The following AOAH variants were observed in gnomAD, a reference collection of about 807,000 sequenced individuals.
AOAH encodes acyloxyacyl hydrolase, also known as acyloxyacyl hydrolase (neutrophil).
AOAH carries 64 observed loss-of-function variants against 92.2 expected under a neutral mutation model. That is an observed-to-expected ratio of 0.69 (90% CI 0.57 to 0.86). The LOEUF is 0.86. Among genes scored for constraint, AOAH ranks in the 40% least tolerant of loss-of-function variants. The probability of loss-of-function intolerance (pLI) is 0.00; values close to 1 mark genes in which losing one functional copy is unlikely to be tolerated. For synonymous variants in AOAH, 263 were observed against 254.5 expected (o/e 1.03, Z -0.32); for missense variants, 656 against 694.6 (o/e 0.94, Z 0.62).
chr7:36,716,623 C>CAATCCATGGCTG (rs368553404), intron 1 of AOAH, among the ~76,000 whole-genome samples: 1 of 148,970 alleles, frequency 6.7e-6, no homozygotes, highest in East Asian at 2.0e-4. Flanking sequence ...CACATACACA[C>CAATCCATGGCTG]CATGGAATAC....
In AOAH at chr7:36,530,520, G is replaced by A; in HGVS notation, c.1426-6C>T. 2 of 1,594,940 alleles carry A rather than the reference G, an allele frequency of 1.3e-6. No homozygotes were observed. Among genetic ancestry groups the A allele is most frequent in the Non-Finnish European group, 1.7e-6 (2 of 1,163,174 alleles). On this transcript the variant is annotated splice_polypyrimidine_tract_variant and splice_region_variant and intron_variant, in intron 18 of 20. Coordinates refer to ENST00000617537, the MANE Select transcript of AOAH (RefSeq NM_001637.4). The stretch of plus-strand genomic sequence containing the variant: ...TTGGAGAGTTGCTCTGCTCTCTGAA[G>A]AGAGAGGAAACAGGGAGAATTTCAT...
At chr7:36,544,601 AC>A (rs1785674445) in intron 15 of AOAH, among the ~76,000 whole-genome samples, 1 of 152,168 alleles carries the variant, frequency 6.6e-6, no homozygotes, top group South Asian at 2.1e-4. Context: ...CACAGGGGCC[AC>A]ACTGGGGAAA....
At chr7:36,566,094 CTTT>C (rs35521941) in intron 13 of AOAH, among the ~76,000 whole-genome samples, 1 of 119,894 alleles carries the variant, frequency 8.3e-6, no homozygotes, top group African/African-American at 3.1e-5. Flanking sequence ...GTAATACTGG[CTTT>C]TTTTTTTTTT....
At chr7:36,579,973 C>T (rs1788819920) in intron 12 of AOAH, among the ~76,000 whole-genome samples, 1 of 152,162 alleles carries the variant, frequency 6.6e-6, no homozygotes, top group Admixed American at 6.5e-5. Flanking sequence ...CTTTTAGCCT[C>T]CCCAGCATTG....
intron 5 of AOAH, among the ~76,000 whole-genome samples, chr7:36,635,081 C>T (rs570009371): frequency 1.3e-5 from 2 of 152,260 alleles, no homozygotes; most frequent in South Asian, 2.1e-4. Flanking sequence ...AGATGGGCCC[C>T]GAGCAACATT....
rs1382437731 is a variant in AOAH at position 36,614,353 on chromosome 7, G to A, written c.846+2027C>T. Among the ~76,000 whole-genome samples, 1 of 152,204 alleles carries A rather than the reference G, an allele frequency of 6.6e-6. No homozygotes were observed. Among genetic ancestry groups the A allele is most frequent in the African/African-American group, 2.4e-5 (1 of 41,442 alleles). ...GGCTTTATGTGTGTGCAACCAGTGG[G>A]TCCCATGAGGTCCTTCGCTTAGAAA... On this transcript the variant is annotated intron_variant, in intron 11 of 20. Transcript: ENST00000617537. The surrounding 1 kb of genome is among the most constrained non-coding windows in gnomAD (Gnocchi z 4.2).
chr7:36,563,314 C>A (rs1009044009), intron 13 of AOAH, among the ~76,000 whole-genome samples: 1 of 150,974 alleles, frequency 6.6e-6, no homozygotes, highest in African/African-American at 2.4e-5. Context: ...GCCAGGAGAC[C>A]ACTTTCCCAG....
rs1491292145 is a variant in AOAH, at chr7:36,516,444, C to CT, written c.1600-3065_1600-3064insA. ...ACAGAAAGCACGCAGATACCCCCCC[C>CT]ACACACACAGAAAGTGCACGGATAC... On this transcript the variant is annotated intron_variant, in intron 20 of 20. Transcript: ENST00000617537. This position sits in a 1 kb window ranked among gnomAD's most constrained non-coding sequence, Gnocchi z 5.0. Among the ~76,000 whole-genome samples, 3 of 103,848 alleles carry CT rather than the reference C, an allele frequency of 2.9e-5. No homozygotes were observed. The highest frequency in any genetic ancestry group is 6.8e-5 in the Non-Finnish European group (3 of 44,214). 68.1% of individuals were successfully genotyped at this position (103,848 alleles called of 152,430 possible). A position where few individuals can be genotyped will look rare whatever the true frequency, so the allele number is the denominator to read the frequency against.
intron 13 of AOAH, among the ~76,000 whole-genome samples, chr7:36,573,984 C>T (rs938532757): frequency 6.6e-6 from 1 of 151,958 alleles, no homozygotes; most frequent in Non-Finnish European, 1.5e-5. Context: ...CTAATAAAAA[C>T]CTTGGAGAGT....
intron 12 of AOAH, among the ~76,000 whole-genome samples, chr7:36,583,284 G>T (rs1789067162): frequency 6.6e-6 from 1 of 152,178 alleles, no homozygotes; most frequent in East Asian, 1.9e-4. Context: ...GGGTAACTTA[G>T]AGACTAGACA....
intron 11 of AOAH, among the ~76,000 whole-genome samples, chr7:36,596,176 C>T (rs1790101062): frequency 6.7e-6 from 1 of 149,242 alleles, no homozygotes; most frequent in African/African-American, 2.5e-5. Context: ...CCCCCACCCC[C>T]CGTCACCTTC....
At chr7:36,583,848 A>G (rs1295958032) in intron 12 of AOAH, among the ~76,000 whole-genome samples, 2 of 152,174 alleles carry the variant, frequency 1.3e-5, no homozygotes, top group African/African-American at 2.4e-5. Context: ...TCCCAGCCCC[A>G]GATTTGATTC....
intron 1 of AOAH, among the ~76,000 whole-genome samples, chr7:36,699,037 T>C (rs1358021160): frequency 1.3e-5 from 2 of 152,052 alleles, no homozygotes; most frequent in African/African-American, 4.8e-5. Flanking sequence ...ATCCCACATG[T>C]ATGAGTGAGA....
intron 4 of AOAH, among the ~76,000 whole-genome samples, chr7:36,648,402 G>A (rs1794364183): frequency 1.3e-5 from 2 of 150,856 alleles, no homozygotes; most frequent in South Asian, 4.2e-4. Flanking sequence ...CCATTTGTTT[G>A]TGGCCTTTGC....
intron 6 of AOAH, among the ~76,000 whole-genome samples, chr7:36,625,123 CT>C (rs1792554800): frequency 6.6e-6 from 1 of 152,128 alleles, no homozygotes; most frequent in South Asian, 2.1e-4. Flanking sequence ...GAGCTGCAAG[CT>C]GATGTCTCAT....
intron 11 of AOAH, among the ~76,000 whole-genome samples, chr7:36,609,500 T>C (rs1044926868): frequency 6.6e-6 from 1 of 152,146 alleles, no homozygotes; most frequent in Non-Finnish European, 1.5e-5. Context: ...GGATGAGCTT[T>C]AGTTCAGCTG....
chr7:36,661,061 G>A (rs1372981553), intron 3 of AOAH: 3 of 152,166 alleles, frequency 2.0e-5, no homozygotes, highest in Admixed American at 6.5e-5. Flanking sequence ...TCTGCGGAGG[G>A]ACAGTGATGG....
At chr7:36,717,040 A>G (rs907826952) in intron 1 of AOAH, among the ~76,000 whole-genome samples, 14 of 152,136 alleles carry the variant, frequency 9.2e-5, no homozygotes, top group Admixed American at 6.5e-5. Context: ...TCGACCCTGC[A>G]TTTGCTTAGT....
chr7:36,699,493 T>A (rs774218041), intron 1 of AOAH, among the ~76,000 whole-genome samples: 4 of 152,130 alleles, frequency 2.6e-5, no homozygotes, highest in Non-Finnish European at 5.9e-5. Flanking sequence ...GGGGGTGAGA[T>A]CATGTCTCAT....
Sources: allele counts gnomAD v4.1 joint callset (sites outside exome capture counted in the v4.1 genomes callset), GRCh38; gene constraint gnomAD v4.1.1; non-coding constraint Gnocchi (gnomAD v3.1); transcripts MANE v1.5; gene names NCBI Gene and HGNC (gene_info 2026-07-23, HGNC 2026-07-21).